NEK11: variants seen among roughly 807,000 people sequenced by gnomAD.
NEK11 encodes the protein NIMA related kinase 11, also known as serine/threonine-protein kinase Nek11.
NEK11 carries 72 observed loss-of-function variants against 80.7 expected under a neutral mutation model. That is an observed-to-expected ratio of 0.89 (90% confidence interval 0.74 to 1.08). The LOEUF (loss-of-function observed/expected upper bound fraction) is 1.08. Ranked by LOEUF, NEK11 falls within the 50% of genes least tolerant of loss-of-function variation. NEK11 has a pLI of 0.00. For missense variants in NEK11, 764 were observed against 763.6 expected (o/e 1.00, Z -0.01); for synonymous variants, 251 against 260.7 (o/e 0.96, Z 0.36).
chr3:131,071,201 A>C (rs2073223575), intron 3 of NEK11, among the ~76,000 whole-genome samples: 1 of 152,178 alleles, frequency 6.6e-6, no homozygotes, highest in Admixed American at 6.6e-5. Context: ...CTTCCAGATC[A>C]AAGCTATTCC....
At chr3:131,270,449 A>T (rs2096160035) in intron 16 of NEK11, among the ~76,000 whole-genome samples, 1 of 152,218 alleles carries the variant, frequency 6.6e-6, no homozygotes, top group African/African-American at 2.4e-5. Context: ...GTATGACATT[A>T]AAGTTTGAGA....
At chr3:131,236,168 T>C (rs547554063) in intron 15 of NEK11, among the ~76,000 whole-genome samples, 2 of 152,326 alleles carry the variant, frequency 1.3e-5, no homozygotes, top group East Asian at 1.9e-4. Flanking sequence ...CTTTCTTCTC[T>C]AGGCTATTGT....
chr3:131,314,611 T>A (rs1341508918), intron 17 of NEK11, among the ~76,000 whole-genome samples: 1 of 152,184 alleles, frequency 6.6e-6, no homozygotes, highest in Non-Finnish European at 1.5e-5. Context: ...CAAGGTGGCA[T>A]ACAGAAGAGT....
chr3:131,114,541 G>C (rs1029657323), intron 5 of NEK11, among the ~76,000 whole-genome samples: 2 of 152,184 alleles, frequency 1.3e-5, no homozygotes, highest in African/African-American at 4.8e-5. Flanking sequence ...TCCTGGTGGA[G>C]GGAAAAGCAA....
intron 15 of NEK11, among the ~76,000 whole-genome samples, chr3:131,231,558 T>A (rs2095330712): frequency 6.6e-6 from 1 of 150,992 alleles, no homozygotes; most frequent in Non-Finnish European, 1.5e-5. Context: ...TTGTTTAGAG[T>A]AGCAAAAACA....
chr3:131,310,242 GCTCA>G (rs1186811772), intron 17 of NEK11, among the ~76,000 whole-genome samples: 3 of 152,070 alleles, frequency 2.0e-5, no homozygotes, highest in African/African-American at 4.8e-5. Context: ...CCAAAAGTTT[GCTCA>G]CTAATTTATG....
At chr3:131,236,152 G>T (rs1375992909) in intron 15 of NEK11, among the ~76,000 whole-genome samples, 4 of 152,162 alleles carry the variant, frequency 2.6e-5, no homozygotes, top group Non-Finnish European at 4.4e-5. Flanking sequence ...CCCTTAAATT[G>T]CAGGACTTTC....
At chr3:131,107,374 A>T (rs1456797046) in intron 4 of NEK11, among the ~76,000 whole-genome samples, 2 of 151,720 alleles carry the variant, frequency 1.3e-5, no homozygotes, top group African/African-American at 4.8e-5. Context: ...AATAAAATAA[A>T]AAAAAAAGAA....
Position 131,348,881 on chromosome 3 carries a change from A to C in NEK11, c.1719-676A>C, listed in dbSNP as rs561364122. 2.6e-5 allele frequency among the ~76,000 whole-genome samples: 4 copies of C among 152,216 alleles called. No homozygotes were observed. In the East Asian group the frequency reaches 5.8e-4, roughly 22 times the overall value. ...TGTTGTAAAGGTTAAGTGTGATTGAAAGGGCAAAGTGAGTAGAAAAGGACC... is the reference window on the plus strand; with the variant it reads ...TGTTGTAAAGGTTAAGTGTGATTGACAGGGCAAAGTGAGTAGAAAAGGACC... On this transcript the variant is annotated intron_variant, in intron 17 of 17. Coordinates refer to ENST00000383366, the MANE Select transcript of NEK11 (RefSeq NM_024800.5).
At chr3:131,239,475 A>T (rs768766823) in intron 15 of NEK11, among the ~76,000 whole-genome samples, 8 of 152,302 alleles carry the variant, frequency 5.3e-5, no homozygotes, top group Non-Finnish European at 1.2e-4. Context: ...CAAAGCATGC[A>T]TGCATCCATT....
chr3:131,199,514 T>A (rs182576468), intron 14 of NEK11, among the ~76,000 whole-genome samples: 56 of 152,210 alleles, frequency 3.7e-4, no homozygotes, highest in African/African-American at 7.5e-4. Flanking sequence ...ACAACTTTTT[T>A]AAAAATTAAC....
chr3:131,290,340 A>G (rs1434593489), intron 17 of NEK11, among the ~76,000 whole-genome samples: 1 of 152,228 alleles, frequency 6.6e-6, no homozygotes, highest in East Asian at 1.9e-4. Flanking sequence ...CAGACATAGC[A>G]GGAGTGCCTC....
At chr3:131,323,139 A>G (rs187035979) in intron 17 of NEK11, among the ~76,000 whole-genome samples, 1 of 152,218 alleles carries the variant, frequency 6.6e-6, no homozygotes, top group Non-Finnish European at 1.5e-5. Flanking sequence ...AGCTAGGACA[A>G]ACAAACAAAC....
chr3:131,075,086 C>T (rs546827337), intron 3 of NEK11, among the ~76,000 whole-genome samples: 48 of 152,262 alleles, frequency 3.2e-4, no homozygotes, highest in Admixed American at 2.3e-3. Flanking sequence ...TTTGCCATTC[C>T]TGCACTGCAC....
At chr3:131,082,826 C>T (rs528178331) in intron 4 of NEK11, among the ~76,000 whole-genome samples, 1 of 152,042 alleles carries the variant, frequency 6.6e-6, no homozygotes, top group East Asian at 1.9e-4. Flanking sequence ...ATCTTTCTAC[C>T]TACATTTTTT....
Position 131,165,469 on chromosome 3 carries a change from C to G in NEK11, c.1126C>G (p.Gln376Glu). ...EKYEENSKRM[Q>E]ELRSRNFQQL... ...ATATGAAGAAAATAGCAAACGAATGCAAGAATTGAGATCTCGGAACTTTCA... is the reference window on the plus strand; with the variant it reads ...ATATGAAGAAAATAGCAAACGAATGGAAGAATTGAGATCTCGGAACTTTCA... The change falls in exon 12 of 18, where the codon CAA becomes GAA. Residue 376 changes from glutamine (Q) to glutamate (E), a missense_variant. Transcript: ENST00000383366. 1 of 1,612,736 alleles carries G rather than the reference C, an allele frequency of 6.2e-7. No individual in the cohort carries two copies. Among genetic ancestry groups the G allele is most frequent in the Non-Finnish European group, 8.5e-7 (1 of 1,178,828 alleles).
At chr3:131,139,853 CA>C (rs2086482418) in intron 7 of NEK11, among the ~76,000 whole-genome samples, 1 of 152,136 alleles carries the variant, frequency 6.6e-6, no homozygotes, top group Admixed American at 6.6e-5. Context: ...TTGAATCTTT[CA>C]AATTCCAGGA....
intron 16 of NEK11, among the ~76,000 whole-genome samples, chr3:131,255,682 A>G (rs1484931532): frequency 1.3e-5 from 2 of 152,114 alleles, no homozygotes; most frequent in African/African-American, 4.8e-5. Flanking sequence ...TGGCAGCTCT[A>G]CTTCTATCTT....
In NEK11 at chr3:131,350,073, C is replaced by G; in HGVS notation, c.*297C>G. On this transcript the variant is annotated 3_prime_UTR_variant, in exon 18 of 18. Coordinates refer to ENST00000383366, the MANE Select transcript of NEK11 (RefSeq NM_024800.5). Reference sequence around the variant, plus strand: ...CAGGGCTTCCAGCAGGATTGAGTCACCCTGACGATGACCGGGGAGAAGCCG... The same window carrying G: ...CAGGGCTTCCAGCAGGATTGAGTCAGCCTGACGATGACCGGGGAGAAGCCG... The G allele has an allele frequency of 3.0e-6, 1 of 331,132 alleles. No individual in the cohort carries two copies. Among genetic ancestry groups the G allele is most frequent in the Non-Finnish European group, 5.7e-6 (1 of 176,900 alleles). 20.5% of individuals were successfully genotyped at this position (331,132 alleles called of 1,614,324 possible). A position where few individuals can be genotyped will look rare whatever the true frequency, so the allele number is the denominator to read the frequency against.
Sources: gnomAD v4.1 joint callset for allele counts (sites outside exome capture counted in the v4.1 genomes callset) on GRCh38, gnomAD v4.1.1 for gene constraint, MANE v1.5 for transcripts, NCBI Gene and HGNC (gene_info 2026-07-23, HGNC 2026-07-21) for gene names.